Variants in TMPRSS12 observed in about 807,000 individuals in gnomAD.
TMPRSS12 encodes the protein transmembrane protease serine 12.
TMPRSS12 carries 25 observed loss-of-function variants against 26.0 expected under a neutral mutation model. That is an observed-to-expected ratio of 0.96 (90% CI 0.70 to 1.34). TMPRSS12 has a LOEUF of 1.34. Ranked by LOEUF, TMPRSS12 falls within the 40% of genes most tolerant of loss-of-function variation. TMPRSS12 has a pLI of 0.00. For synonymous variants in TMPRSS12, 150 were observed against 161.7 expected, an observed-to-expected ratio of 0.93 and a Z score of 0.55; for missense variants, 441 against 440.1, an observed-to-expected ratio of 1.00 and a Z score of -0.02.
chr12:50,887,522 TG>T lies in TMPRSS12; in HGVS notation c.*10del, dbSNP rs772235394. On this transcript the variant is annotated 3_prime_UTR_variant, in exon 5 of 5. Transcript: ENST00000398458. ...TACTAGCAACAACATAAAGAAATTC[TG>T]AAGGCTTTCATATCTTTATTTTGCA... 6.2e-7 allele frequency: 1 copy of T among 1,608,006 alleles called. No homozygotes were observed. Among genetic ancestry groups the T allele is most frequent in the Non-Finnish European group, 8.5e-7 (1 of 1,177,346 alleles).
At chr12:50,881,998 A>AATATATATACAT (rs1938177376) in intron 3 of TMPRSS12, among the ~76,000 whole-genome samples, 2 of 30,572 alleles carry the variant, frequency 6.5e-5, no homozygotes, top group Non-Finnish European at 1.3e-4. Context: ...AAAAAAAAAA[A>AATATATATACAT]ATATATATAT....
chr12:50,847,076 T>TG (rs375966655), intron 2 of TMPRSS12, among the ~76,000 whole-genome samples: 7 of 150,454 alleles, frequency 4.7e-5, no homozygotes, highest in South Asian at 2.1e-4. Flanking sequence ...TTTTTTTTTT[T>TG]GAGACGGAGT....
chr12:50,850,686 C>G (rs1310622615), intron 2 of TMPRSS12, among the ~76,000 whole-genome samples: 1 of 152,162 alleles, frequency 6.6e-6, no homozygotes, highest in East Asian at 1.9e-4. Context: ...CTTCCACCAC[C>G]AGTGCACACA....
intron 3 of TMPRSS12, among the ~76,000 whole-genome samples, chr12:50,870,836 T>C (rs1419307938): frequency 7.2e-6 from 1 of 139,468 alleles, no homozygotes; most frequent in Non-Finnish European, 1.6e-5. Context: ...AACTCAACCC[T>C]TTTCATGATA....
In TMPRSS12 at chr12:50,858,394, A is replaced by G. The variant is rs1937901823; in HGVS notation, c.384-391A>G. Among the ~76,000 whole-genome samples, 5 of 152,214 alleles carry G rather than the reference A, an allele frequency of 3.3e-5. No individual in the cohort carries two copies. The South Asian group carries it at 1.0e-3, about 32-fold the overall frequency. ...AAAAGATGGGAACTCTTTACTAAAT[A>G]GATTTGTACATTTAAATATTTAATC... On this transcript the variant is annotated intron_variant, in intron 2 of 4. Transcript: ENST00000398458.
At position 50,843,135 on chromosome 12, in the gene TMPRSS12, A is replaced by G. The variant is rs1452836182; in HGVS notation, c.171A>G (p.Gly57=). ...VRKRLRRRRE[G]GAHAEDCGTA... is the part of the protein sequence containing the mutation. ...AGAGGCTCCGGCGGCGGAGGGAGGGAGGGGCGCATGCAGAGGGCAGTACCT... is the reference window on the plus strand; with the variant it reads ...AGAGGCTCCGGCGGCGGAGGGAGGGGGGGGCGCATGCAGAGGGCAGTACCT... Residue 57 remains glycine, a synonymous_variant, in exon 1 of 5, where the codon GGA becomes GGG. Transcript: ENST00000398458. 6.4e-7 allele frequency: 1 copy of G among 1,567,686 alleles called. No individual in the cohort carries two copies. Among genetic ancestry groups the G allele is most frequent in the Non-Finnish European group, 8.7e-7 (1 of 1,155,934 alleles).
intron 3 of TMPRSS12, among the ~76,000 whole-genome samples, chr12:50,864,911 G>A (rs543000997): frequency 1.8e-4 from 27 of 152,116 alleles, no homozygotes; most frequent in East Asian, 1.4e-3. Context: ...CACCCACCTC[G>A]GCCTCCTAAA....
At chr12:50,877,510 T>C (rs1289989229) in intron 3 of TMPRSS12, among the ~76,000 whole-genome samples, 1 of 152,230 alleles carries the variant, frequency 6.6e-6, no homozygotes, top group Non-Finnish European at 1.5e-5. Context: ...TCGTTGAGGT[T>C]ATAGGAAGAC....
At chr12:50,853,192 A>G (rs1014085151) in intron 2 of TMPRSS12, among the ~76,000 whole-genome samples, 10 of 152,204 alleles carry the variant, frequency 6.6e-5, no homozygotes, top group Non-Finnish European at 1.2e-4. Flanking sequence ...CCATATAATA[A>G]CATGGAAATT....
In TMPRSS12 at chr12:50,887,473, T is replaced by C; in HGVS notation, c.1007T>C (p.Leu336Pro). 1 of 1,613,780 alleles carries C rather than the reference T, an allele frequency of 6.2e-7. No homozygotes were observed. Among genetic ancestry groups the C allele is most frequent in the Non-Finnish European group, 8.5e-7 (1 of 1,179,840 alleles). Residue 336 changes from leucine (L) to proline (P), a missense_variant, in exon 5 of 5, where the codon CTC (leucine) becomes CCC (proline). Coordinates refer to ENST00000398458, the MANE Select transcript of TMPRSS12 (RefSeq NM_182559.3). Reference sequence around the variant, plus strand: ...ATAAATATTTTACGTGGCCAGATCCTCATAGCTTTATGTTTTGTCATCTTA... The same window carrying C: ...ATAAATATTTTACGTGGCCAGATCCCCATAGCTTTATGTTTTGTCATCTTA... ...LTINILRGQILIALCFVILLA... is the reference protein window; with the variant it reads ...LTINILRGQIPIALCFVILLA...
At chr12:50,861,268 G>A (rs970791779) in intron 3 of TMPRSS12, among the ~76,000 whole-genome samples, 1 of 152,174 alleles carries the variant, frequency 6.6e-6, no homozygotes, top group Non-Finnish European at 1.5e-5. Context: ...AATATATGAG[G>A]TTAAGTACTA....
Position 50,843,923 on chromosome 12 carries a change from C to G in TMPRSS12, c.269C>G (p.Pro90Arg). ...GGTEAQAGAWPWVVSLQIKYG... is the reference protein window; with the variant it reads ...GGTEAQAGAWRWVVSLQIKYG... Reference sequence around the variant, plus strand: ...ACCGAAGCACAAGCTGGCGCATGGCCGTGGGTGGTGAGCCTGCAGATTAAA... The same window carrying G: ...ACCGAAGCACAAGCTGGCGCATGGCGGTGGGTGGTGAGCCTGCAGATTAAA... The change falls in exon 2 of 5, where the codon CCG becomes CGG. Residue 90 changes from proline to arginine, a missense_variant. Physicochemically the swap from Pro to Arg is moderately radical, Grantham distance 103 (BLOSUM62 -2). Coordinates refer to ENST00000398458, the MANE Select transcript of TMPRSS12 (RefSeq NM_182559.3). The G allele has an allele frequency of 6.3e-7, 1 of 1,587,804 alleles. No individual in the cohort carries two copies. The highest frequency in any genetic ancestry group is 8.6e-7 in the Non-Finnish European group (1 of 1,166,824).
rs577372364 is a variant in TMPRSS12 at position 50,877,734 on chromosome 12, T to A, written c.653-7512T>A. On this transcript the variant is annotated intron_variant, in intron 3 of 4. Coordinates refer to ENST00000398458, the MANE Select transcript of TMPRSS12 (RefSeq NM_182559.3). Reference sequence around the variant, plus strand: ...TCATGCCTCAGCCTCCTGAGCTTCCTGAGTAGCTGGGATTACAGGCATGCG... The same window carrying A: ...TCATGCCTCAGCCTCCTGAGCTTCCAGAGTAGCTGGGATTACAGGCATGCG... 2.7e-3 allele frequency among the ~76,000 whole-genome samples: 415 copies of A among 152,290 alleles called. 1 individual carries two copies. Among genetic ancestry groups the A allele is most frequent in the African/African-American group, 9.6e-3 (400 of 41,554 alleles).
chr12:50,871,925 A>AT (rs971043059), intron 3 of TMPRSS12, among the ~76,000 whole-genome samples: 2 of 133,018 alleles, frequency 1.5e-5, no homozygotes, highest in Admixed American at 7.6e-5. Flanking sequence ...TAATCAAAAA[A>AT]TTAAAAAAAA....
chr12:50,882,794 A>G (rs1382249696), intron 3 of TMPRSS12, among the ~76,000 whole-genome samples: 1 of 152,224 alleles, frequency 6.6e-6, no homozygotes, highest in Non-Finnish European at 1.5e-5. Flanking sequence ...TCAAAAATAA[A>G]AAACCAGAAC....
At position 50,881,844 on chromosome 12, in the gene TMPRSS12, GC is replaced by G. The variant is rs112521111; in HGVS notation, c.653-3400del. Among the ~76,000 whole-genome samples, 30 of 150,130 alleles carry G rather than the reference GC, an allele frequency of 2.0e-4. 2 individuals are homozygous for G. The highest frequency in any genetic ancestry group is 7.3e-4 in the African/African-American group (30 of 41,018). Reference sequence around the variant, plus strand: ...AAATTAGCTGGGCGTGGTGGCGTGAGCCTGTAATCCCAGCTACTTGGGAGGC... The same window carrying G: ...AAATTAGCTGGGCGTGGTGGCGTGAGCTGTAATCCCAGCTACTTGGGAGGC... On this transcript the variant is annotated intron_variant, in intron 3 of 4. Transcript: ENST00000398458.
At chr12:50,849,485 A>G (rs558431387) in intron 2 of TMPRSS12, among the ~76,000 whole-genome samples, 85 of 143,460 alleles carry the variant, frequency 5.9e-4, no homozygotes, top group African/African-American at 2.1e-3. Flanking sequence ...TACAATCAAG[A>G]TTTAGAACAG....
intron 3 of TMPRSS12, 119 bp downstream of exon 3, chr12:50,859,172 C>A: frequency 2.3e-6 from 2 of 886,552 alleles, no homozygotes; most frequent in African/African-American, 1.7e-5. Flanking sequence ...ACAGACCACA[C>A]ACACGATGGT....
intron 4 of TMPRSS12, 87 bp downstream of exon 4, chr12:50,885,475 CTTAA>C: frequency 2.8e-6 from 4 of 1,452,466 alleles, no homozygotes; most frequent in Non-Finnish European, 3.9e-6. Context: ...TTCTGGTGGT[CTTAA>C]TTATCAGGCC....
Sources: allele counts gnomAD v4.1 joint callset (sites outside exome capture counted in the v4.1 genomes callset), GRCh38; gene constraint gnomAD v4.1.1; transcripts MANE v1.5; gene names NCBI Gene and HGNC (gene_info 2026-07-23, HGNC 2026-07-21).